Variants in TNFAIP8 observed in about 807,000 individuals in gnomAD.
TNFAIP8 encodes TNF alpha induced protein 8.
TNFAIP8 carries 7 observed loss-of-function variants against 13.3 expected under a neutral mutation model. The observed-to-expected ratio is 0.52, with a 90% CI of 0.30 to 0.99. TNFAIP8 has a LOEUF of 0.99. Ranked by LOEUF, TNFAIP8 falls within the 50% of genes least tolerant of loss-of-function variation. The pLI is 0.07. For synonymous variants in TNFAIP8, 94 were observed against 87.6 expected (o/e 1.07, Z -0.41); for missense variants, 258 against 236.9 (o/e 1.09, Z -0.58).
chr5:119,292,550 C>T (rs868545068), intron 1 of TNFAIP8, among the ~76,000 whole-genome samples: 54 of 149,120 alleles, frequency 3.6e-4, no homozygotes, highest in Middle Eastern at 3.5e-3. Flanking sequence ...CATACAAATA[C>T]TTATAAGCAA....
chr5:119,362,465 A>G (rs1041941286), intron 1 of TNFAIP8, among the ~76,000 whole-genome samples: 8 of 152,150 alleles, frequency 5.3e-5, no homozygotes, highest in Non-Finnish European at 1.0e-4. Context: ...GCAACCTTCA[A>G]TAGCTACTTA....
chr5:119,278,413 G>A (rs1028786405), intron 1 of TNFAIP8, among the ~76,000 whole-genome samples: 1 of 150,048 alleles, frequency 6.7e-6, no homozygotes, highest in Non-Finnish European at 1.5e-5. Flanking sequence ...GTGTGTGTGT[G>A]TGTGTGTGAA....
intron 1 of TNFAIP8, among the ~76,000 whole-genome samples, chr5:119,377,882 G>A (rs1752341170): frequency 6.6e-6 from 1 of 152,116 alleles, no homozygotes; most frequent in African/African-American, 2.4e-5. Flanking sequence ...TTTCTGTAAG[G>A]CAGTGATTAC....
At chr5:119,306,318 C>CTTTCTTTTTTTTTTTTTTTTTTTTTTTTT (rs1561993322) in intron 1 of TNFAIP8, 1 of 121,758 alleles carries the variant, frequency 8.2e-6, no homozygotes, top group African/African-American at 4.2e-5. Flanking sequence ...TTCTTTCTTT[C>CTTTCTTTTTTTTTTTTTTTTTTTTTTTTT]TTTTTCTTTT....
intron 1 of TNFAIP8, among the ~76,000 whole-genome samples, chr5:119,295,257 C>G: frequency 1.2e-5 from 1 of 82,970 alleles, no homozygotes; most frequent in Non-Finnish European, 2.3e-5. Context: ...TTTAGTCTAA[C>G]GTTAGACCTA....
intron 1 of TNFAIP8, among the ~76,000 whole-genome samples, chr5:119,323,658 A>C (rs1160243901): frequency 2.0e-5 from 3 of 152,220 alleles, no homozygotes; most frequent in Non-Finnish European, 1.5e-5. Context: ...GGACTAAAAG[A>C]AGCATGTGGG....
At chr5:119,292,634 A>G (rs1406552185) in intron 1 of TNFAIP8, among the ~76,000 whole-genome samples, 2 of 122,390 alleles carry the variant, frequency 1.6e-5, no homozygotes, top group African/African-American at 2.8e-5. Context: ...GTGAATGAAT[A>G]ATCAATGTAG....
intron 1 of TNFAIP8, among the ~76,000 whole-genome samples, chr5:119,276,029 G>A (rs1246659935): frequency 6.6e-6 from 1 of 152,160 alleles, no homozygotes; most frequent in Non-Finnish European, 1.5e-5. Flanking sequence ...GAGACAGGTG[G>A]CAGGGGCAGA....
intron 1 of TNFAIP8, among the ~76,000 whole-genome samples, chr5:119,324,272 CTCAAAAAAAAAAAAAA>C: frequency 1.8e-5 from 1 of 55,454 alleles, no homozygotes. Flanking sequence ...AAGACGCCAT[CTCAAAAAAAAAAAAAA>C]AAAAAAAAAA....
Position 119,399,239 on chromosome 5 carries a change from G to C in TNFAIP8, c.*5858G>C, listed in dbSNP as rs956515460. On this transcript the variant is annotated 3_prime_UTR_variant, in exon 2 of 2. Transcript: ENST00000504771. ...TGGGAGAGGCACTGGAGTGTGGCCA[G>C]ATGGAACCCAGCAGGGTACAGAGGG... The C allele has an allele frequency of 1.3e-5, 2 of 152,218 alleles. No individual in the cohort carries two copies. The highest frequency in any genetic ancestry group is 4.8e-5 in the African/African-American group (2 of 41,456). 9.4% of individuals were successfully genotyped at this position (152,218 alleles called of 1,614,324 possible). A position where few individuals can be genotyped will look rare whatever the true frequency, so the allele number is the denominator to read the frequency against.
chr5:119,351,793 T>C (rs934149780), upstream of TNFAIP8, among the ~76,000 whole-genome samples: 2 of 133,520 alleles, frequency 1.5e-5, no homozygotes, highest in East Asian at 1.9e-4. Flanking sequence ...TTTTTCTTTT[T>C]TTCTTTTTTT....
At chr5:119,374,381 T>C (rs1752201672) in intron 1 of TNFAIP8, among the ~76,000 whole-genome samples, 1 of 152,226 alleles carries the variant, frequency 6.6e-6, no homozygotes, top group South Asian at 2.1e-4. Context: ...GCTCAACCTG[T>C]ACCGATAGTA....
At chr5:119,290,964 T>C (rs192847033) in intron 1 of TNFAIP8, among the ~76,000 whole-genome samples, 15 of 152,260 alleles carry the variant, frequency 9.9e-5, no homozygotes, top group African/African-American at 3.6e-4. Context: ...GTTTGGACTT[T>C]CTTTGATTAT....
chr5:119,388,541 G>T (rs767062494), intron 1 of TNFAIP8, among the ~76,000 whole-genome samples: 21 of 152,198 alleles, frequency 1.4e-4, no homozygotes, highest in African/African-American at 1.9e-4. Context: ...AGTAGGGAGA[G>T]GCAGACAATA....
At chr5:119,275,641 A>C (rs141789878) in intron 1 of TNFAIP8, among the ~76,000 whole-genome samples, 1 of 152,212 alleles carries the variant, frequency 6.6e-6, no homozygotes, top group African/African-American at 2.4e-5. Flanking sequence ...CTTTGAAGCC[A>C]TGTTCTGTAA....
At chr5:119,291,484 A>T (rs188091325) in intron 1 of TNFAIP8, among the ~76,000 whole-genome samples, 1 of 152,234 alleles carries the variant, frequency 6.6e-6, no homozygotes, top group African/African-American at 2.4e-5. Flanking sequence ...TAACATTTTT[A>T]GGAAATTTGG....
chr5:119,289,331 T>G (rs1412735942), intron 1 of TNFAIP8, among the ~76,000 whole-genome samples: 1 of 152,172 alleles, frequency 6.6e-6, no homozygotes, highest in Non-Finnish European at 1.5e-5. Flanking sequence ...TATTTATGAC[T>G]TAAAGAGAGG....
intron 1 of TNFAIP8, among the ~76,000 whole-genome samples, chr5:119,290,137 A>C (rs910262655): frequency 1.3e-5 from 2 of 151,564 alleles, no homozygotes; most frequent in African/African-American, 4.9e-5. Context: ...ATTGGAATGC[A>C]ATACAGCATA....
At chr5:119,344,062 G>A (rs540673095) in intron 1 of TNFAIP8, among the ~76,000 whole-genome samples, 1 of 152,332 alleles carries the variant, frequency 6.6e-6, no homozygotes, top group East Asian at 1.9e-4. Context: ...TTGAGAGTGA[G>A]AAGTTGGTAC....
Sources: gnomAD v4.1 joint callset for allele counts (sites outside exome capture counted in the v4.1 genomes callset) on GRCh38, gnomAD v4.1.1 for gene constraint, MANE v1.5 for transcripts, NCBI Gene and HGNC (gene_info 2026-07-23, HGNC 2026-07-21) for gene names.